EPB41L4A: variants seen among roughly 807,000 people sequenced by gnomAD.
EPB41L4A encodes the protein erythrocyte membrane protein band 4.1 like 4A.
A neutral mutation model predicts 108.6 loss-of-function variants in EPB41L4A; 100 were observed. The observed-to-expected ratio is 0.92, with a 90% CI of 0.78 to 1.09. The LOEUF (loss-of-function observed/expected upper bound fraction) is 1.09. Among genes scored for constraint, EPB41L4A ranks in the 50% least tolerant of loss-of-function variants. EPB41L4A has a pLI of 0.00. For missense variants in EPB41L4A, 1,030 were observed against 842.7 expected (o/e 1.22, Z -2.75); for synonymous variants, 319 against 289.0 (o/e 1.10, Z -1.05).
downstream of EPB41L4A, among the ~76,000 whole-genome samples, chr5:112,160,323 G>A (rs1240633805): frequency 6.6e-6 from 1 of 151,998 alleles, no homozygotes; most frequent in Non-Finnish European, 1.5e-5. Context: ...TGCCCTCCTG[G>A]CACTTACATT....
At chr5:112,291,644 C>T (rs1382972274) in intron 2 of EPB41L4A, among the ~76,000 whole-genome samples, 1 of 152,132 alleles carries the variant, frequency 6.6e-6, no homozygotes, top group African/African-American at 2.4e-5. Context: ...AATGAGGAAC[C>T]CTCCCCAGAG....
At chr5:112,158,632 A>T (rs1759732653), downstream of EPB41L4A, among the ~76,000 whole-genome samples, 1 of 152,216 alleles carries the variant, frequency 6.6e-6, no homozygotes, top group Admixed American at 6.5e-5. Flanking sequence ...ATGGCTGGGG[A>T]GGCCTCAGGA....
At chr5:112,359,274 T>C (rs1012912551) in intron 1 of EPB41L4A, among the ~76,000 whole-genome samples, 5 of 152,228 alleles carry the variant, frequency 3.3e-5, no homozygotes, top group Admixed American at 1.3e-4. Flanking sequence ...ATTTCTCTAA[T>C]AGGTCTGTGA....
At chr5:112,213,196 T>C (rs1747339455) in intron 12 of EPB41L4A, among the ~76,000 whole-genome samples, 1 of 152,222 alleles carries the variant, frequency 6.6e-6, no homozygotes, top group Admixed American at 6.5e-5. Context: ...ATTGTTCTAC[T>C]GTCAGGACTA....
chr5:112,413,711 G>A (rs150343417), intron 1 of EPB41L4A, among the ~76,000 whole-genome samples: 3 of 152,298 alleles, frequency 2.0e-5, no homozygotes, highest in African/African-American at 4.8e-5. Context: ...GGATGCTTCC[G>A]ATAAGTATGT....
chr5:112,209,836 A>G, intron 13 of EPB41L4A, 56 bp downstream of exon 13: 1 of 1,124,476 alleles, frequency 8.9e-7, no homozygotes, highest in Non-Finnish European at 1.3e-6. Flanking sequence ...TCTACAGAAA[A>G]AAAGCATTTT....
chr5:112,282,577 G>GCT (rs932793647), intron 2 of EPB41L4A, among the ~76,000 whole-genome samples: 11 of 152,306 alleles, frequency 7.2e-5, no homozygotes, highest in African/African-American at 2.6e-4. Flanking sequence ...GTCTTGGAGA[G>GCT]CTGGTTGGTT....
intron 18 of EPB41L4A, among the ~76,000 whole-genome samples, chr5:112,177,789 A>G (rs538475140): frequency 1.3e-5 from 2 of 152,276 alleles, no homozygotes; most frequent in South Asian, 4.1e-4. Context: ...ATACTTACAG[A>G]GAGAAAGCAA....
intron 4 of EPB41L4A, among the ~76,000 whole-genome samples, chr5:112,266,595 CCTTAGGCTG>C (rs1471691759): frequency 6.6e-6 from 1 of 152,204 alleles, no homozygotes; most frequent in Non-Finnish European, 1.5e-5. Context: ...ACCTCTGTAG[CCTTAGGCTG>C]CTGCTTAACC....
intron 1 of EPB41L4A, among the ~76,000 whole-genome samples, chr5:112,316,242 T>C (rs934327368): frequency 5.3e-5 from 8 of 152,216 alleles, no homozygotes; most frequent in African/African-American, 1.4e-4. Flanking sequence ...CACAGAATGA[T>C]AACTATTACA....
At chr5:112,364,320 C>T (rs566022182) in intron 1 of EPB41L4A, among the ~76,000 whole-genome samples, 2 of 152,288 alleles carry the variant, frequency 1.3e-5, no homozygotes, top group South Asian at 4.1e-4. Flanking sequence ...ACCACCACAC[C>T]CAGCTGCCAA....
chr5:112,229,987 C>CA (rs71224877), intron 12 of EPB41L4A, among the ~76,000 whole-genome samples: 4,948 of 77,024 alleles, frequency 0.064, 216 homozygotes, highest in African/African-American at 0.17. Flanking sequence ...GACTCTGTCT[C>CA]AAAAAAAAAA....
intron 1 of EPB41L4A, among the ~76,000 whole-genome samples, chr5:112,370,861 C>T (rs939298003): frequency 4.6e-5 from 7 of 152,202 alleles, no homozygotes; most frequent in Non-Finnish European, 7.3e-5. Context: ...ATCACTTGAA[C>T]CCAGGAGGTG....
intron 1 of EPB41L4A, among the ~76,000 whole-genome samples, chr5:112,317,122 C>T (rs996232065): frequency 1.1e-4 from 16 of 152,144 alleles, no homozygotes; most frequent in Admixed American, 8.5e-4. Flanking sequence ...ATATAGTGAG[C>T]GACTGGAAGA....
intron 1 of EPB41L4A, among the ~76,000 whole-genome samples, chr5:112,389,114 C>T (rs1252329011): frequency 2.0e-5 from 3 of 151,992 alleles, no homozygotes; most frequent in Non-Finnish European, 4.4e-5. Flanking sequence ...AGAACAACAA[C>T]AGGAGAAAAA....
chr5:112,250,201 G>T (rs1195842935), intron 9 of EPB41L4A, among the ~76,000 whole-genome samples: 1 of 152,104 alleles, frequency 6.6e-6, no homozygotes, highest in African/African-American at 2.4e-5. Flanking sequence ...AGCTATGTGG[G>T]TTATATTTCA....
chr5:112,234,597 A>G, intron 12 of EPB41L4A, 37 bp downstream of exon 12: 1 of 1,601,564 alleles, frequency 6.2e-7, no homozygotes, highest in Non-Finnish European at 8.5e-7. Context: ...AAAGGAAAAC[A>G]AGGTTACATA....
intron 12 of EPB41L4A, among the ~76,000 whole-genome samples, chr5:112,212,795 G>C (rs10463628): frequency 0.093 from 14,065 of 152,000 alleles, 850 homozygotes; most frequent in Admixed American, 0.17. Flanking sequence ...CTGAGTAAAG[G>C]TGAACATCCT....
At chr5:112,285,411 C>T (rs916079760) in intron 2 of EPB41L4A, among the ~76,000 whole-genome samples, 3 of 152,098 alleles carry the variant, frequency 2.0e-5, no homozygotes, top group Non-Finnish European at 4.4e-5. Flanking sequence ...TTCAAGGAAT[C>T]CAGGACTTAG....
Sources: allele counts gnomAD v4.1 joint callset (sites outside exome capture counted in the v4.1 genomes callset), GRCh38; gene constraint gnomAD v4.1.1; transcripts MANE v1.5; gene names NCBI Gene and HGNC (gene_info 2026-07-23, HGNC 2026-07-21).